DNAJC13: variants seen among roughly 807,000 people sequenced by gnomAD.
The protein encoded by DNAJC13 is DnaJ heat shock protein family (Hsp40) member C13.
A neutral mutation model predicts 290.5 loss-of-function variants in DNAJC13; 75 were observed. The observed-to-expected ratio is 0.26, with a 90% CI of 0.21 to 0.31. The LOEUF (loss-of-function observed/expected upper bound fraction) is 0.31, where lower values mean the gene tolerates loss of function less well. Ranked by LOEUF, DNAJC13 falls within the 10% of genes least tolerant of loss-of-function variation. DNAJC13 has a pLI of 1.00. For synonymous variants in DNAJC13, 862 were observed against 892.0 expected, an observed-to-expected ratio of 0.97 and a Z score of 0.60; for missense variants, 2,260 against 2,674.5, an observed-to-expected ratio of 0.85 and a Z score of 3.42.
At position 132,526,142 on chromosome 3, in the gene DNAJC13, T is replaced by G. The variant is rs770625459; in HGVS notation, c.6242T>G (p.Leu2081Arg). Residue 2081 changes from leucine (L) to arginine (R), a missense_variant and splice_region_variant, in exon 53 of 56, where the codon CTG becomes CGG. Leu to Arg is a moderately radical substitution (Grantham distance 102). Coordinates refer to ENST00000260818, the MANE Select transcript of DNAJC13 (RefSeq NM_015268.4). ...TAACCTTCTCTTTTGGGCACTTAGC[T>G]GTGTGTTCGAGCCATGGCATCTTTA... Reference protein sequence around the residue: ...RVIHALSENELCVRAMASLET... With the variant: ...RVIHALSENERCVRAMASLET... 6.8e-6 allele frequency: 11 copies of G among 1,614,042 alleles called. 1 individual carries two copies. The South Asian group carries it at 1.1e-4, about 16-fold the overall frequency.
intron 34 of DNAJC13, among the ~76,000 whole-genome samples, 193 bp downstream of exon 34, chr3:132,494,452 C>T (rs1935166807): frequency 6.6e-6 from 1 of 152,136 alleles, no homozygotes; most frequent in South Asian, 2.1e-4. Context: ...AAATTGTATC[C>T]TCCTCTTCTT....
intron 21 of DNAJC13, chr3:132,474,127 C>G (rs1217123915): frequency 6.6e-6 from 1 of 152,196 alleles, no homozygotes; most frequent in African/African-American, 2.4e-5. Flanking sequence ...TCTGTAAAGT[C>G]CTAACATATA....
chr3:132,512,958 A>G (rs1329090977), intron 44 of DNAJC13, 50 bp from the exon 45 acceptor site: 1 of 1,484,434 alleles, frequency 6.7e-7, no homozygotes, highest in Non-Finnish European at 9.4e-7. Context: ...CTGAAGTTAA[A>G]TAATTTCAAA....
chr3:132,431,265 C>A (rs1559865672), intron 1 of DNAJC13, among the ~76,000 whole-genome samples: 1 of 152,180 alleles, frequency 6.6e-6, no homozygotes, highest in Non-Finnish European at 1.5e-5. Context: ...CTACCTCTCT[C>A]TGGATATTCC....
At chr3:132,456,944 G>T (rs1408079765) in intron 12 of DNAJC13, 112 bp downstream of exon 12, 1 of 1,172,038 alleles carries the variant, frequency 8.5e-7, no homozygotes, top group Non-Finnish European at 1.2e-6. Context: ...CCTTTTATAG[G>T]GTGATATGGT....
intron 1 of DNAJC13, among the ~76,000 whole-genome samples, chr3:132,433,683 T>TTGAC (rs1939298081): frequency 6.6e-6 from 1 of 152,224 alleles, no homozygotes; most frequent in East Asian, 1.9e-4. Context: ...TGGAACTGGT[T>TTGAC]TGACTCTTGG....
chr3:132,513,619 T>C (rs563091499), intron 45 of DNAJC13, among the ~76,000 whole-genome samples: 4 of 152,308 alleles, frequency 2.6e-5, no homozygotes, highest in Admixed American at 6.5e-5. Flanking sequence ...GCTGCTGTTA[T>C]AGGAGTTGCC....
chr3:132,445,043 TA>T (rs1401827547), intron 2 of DNAJC13, among the ~76,000 whole-genome samples: 2 of 152,150 alleles, frequency 1.3e-5, no homozygotes, highest in Non-Finnish European at 2.9e-5. Context: ...ATACTGATTT[TA>T]AAAAATAGAC....
intron 22 of DNAJC13, among the ~76,000 whole-genome samples, chr3:132,475,702 T>A (rs1327957743): frequency 6.6e-6 from 1 of 152,204 alleles, no homozygotes; most frequent in Non-Finnish European, 1.5e-5. Flanking sequence ...CATTCTTTTC[T>A]TAGCAAAATG....
chr3:132,514,951 A>G, intron 46 of DNAJC13: 1 of 292,668 alleles, frequency 3.4e-6, no homozygotes, highest in Non-Finnish European at 6.4e-6. Context: ...TTGAGAATTA[A>G]CTAATATTTC....
At chr3:132,529,503 T>C (rs1295523719) in intron 54 of DNAJC13, among the ~76,000 whole-genome samples, 1 of 152,186 alleles carries the variant, frequency 6.6e-6, no homozygotes, top group South Asian at 2.1e-4. Context: ...TAAAATGATA[T>C]TAGGCTGGGC....
chr3:132,476,489 A>AC (rs1486725966), intron 22 of DNAJC13, among the ~76,000 whole-genome samples: 1 of 152,178 alleles, frequency 6.6e-6, no homozygotes, highest in East Asian at 1.9e-4. Context: ...TCTGTTATCA[A>AC]CATTGGAGGG....
intron 51 of DNAJC13, among the ~76,000 whole-genome samples, chr3:132,525,326 G>T (rs1168245759): frequency 6.6e-6 from 1 of 152,116 alleles, no homozygotes; most frequent in Non-Finnish European, 1.5e-5. Context: ...GGCAACAAGA[G>T]CGAAACTCCG....
Position 132,487,559 on chromosome 3 carries a change from A to ATTTTTTTTTTTTTTTTT in DNAJC13, c.3268-735_3268-719dup, listed in dbSNP as rs10663131. Among the ~76,000 whole-genome samples the ATTTTTTTTTTTTTTTTT allele has an allele frequency of 5.6e-4, 62 of 110,432 alleles. 6 individuals carry two copies. Among genetic ancestry groups the ATTTTTTTTTTTTTTTTT allele is most frequent in the African/African-American group, 3.0e-3 (56 of 18,776 alleles). The allele number at this position is 110,432 out of a possible 152,430, so 72.4% of individuals were successfully genotyped here. On this transcript the variant is annotated intron_variant, in intron 29 of 55. Transcript: ENST00000260818. Reference sequence around the variant, plus strand: ...GCGTGAGCCACCATGCCTGGCTGTAATTTTTTTTTTTTTTTTTTTTACTGG... The same window carrying ATTTTTTTTTTTTTTTTT: ...GCGTGAGCCACCATGCCTGGCTGTAATTTTTTTTTTTTTTTTTTTTTTTTTTTTTTTTTTTTTACTGG...
At position 132,447,796 on chromosome 3, in the gene DNAJC13, G is replaced by C. The variant is rs990010388; in HGVS notation, c.295-102G>C. On this transcript the variant is annotated intron_variant, in intron 4 of 55. Coordinates refer to ENST00000260818, the MANE Select transcript of DNAJC13 (RefSeq NM_015268.4). The stretch of plus-strand genomic sequence containing the variant: ...CTTGAATAACAGTTTTTAGTGTCCA[G>C]GTTACCAAGTCAGGATTTTACTTGC... 5 of 904,450 alleles carry C rather than the reference G, an allele frequency of 5.5e-6. No homozygotes were observed. The Admixed American group carries it at 9.3e-5, about 17-fold the overall frequency. The allele number at this position is 904,450 out of a possible 1,614,324, so 56.0% of individuals were successfully genotyped here.
chr3:132,499,842 C>T, intron 38 of DNAJC13, 34 bp downstream of exon 38: 1 of 1,577,646 alleles, frequency 6.3e-7, no homozygotes, highest in South Asian at 1.1e-5. Context: ...AAGAAAATTG[C>T]ACTAGTTCAA....
chr3:132,471,293 G>A (rs1309585036), intron 20 of DNAJC13, among the ~76,000 whole-genome samples: 1 of 136,902 alleles, frequency 7.3e-6, no homozygotes, highest in Non-Finnish European at 1.6e-5. Context: ...GGTCGGGGGG[G>A]CTGACCCCCC....
intron 29 of DNAJC13, among the ~76,000 whole-genome samples, chr3:132,486,703 G>A (rs185791434): frequency 6.6e-6 from 1 of 152,240 alleles, no homozygotes; most frequent in East Asian, 1.9e-4. Flanking sequence ...GGTGGCTATA[G>A]TAGTTTCTGG....
intron 22 of DNAJC13, 62 bp downstream of exon 22, chr3:132,475,147 T>C: frequency 7.6e-7 from 1 of 1,308,806 alleles, no homozygotes; most frequent in Non-Finnish European, 1.0e-6. Context: ...ATTTGGGGAG[T>C]GATTTTTTTT....
Sources: allele counts gnomAD v4.1 joint callset (sites outside exome capture counted in the v4.1 genomes callset), GRCh38; gene constraint gnomAD v4.1.1; transcripts MANE v1.5; gene names NCBI Gene and HGNC (gene_info 2026-07-23, HGNC 2026-07-21).